Variants in SYNE1 observed in about 807,000 individuals in gnomAD.
The protein encoded by SYNE1 is spectrin repeat containing nuclear envelope protein 1.
A neutral mutation model predicts 1,111.0 loss-of-function variants in SYNE1; 616 were observed. The ratio of observed to expected loss-of-function variants is 0.55; its 90% CI spans 0.52 to 0.59. The LOEUF is 0.59. Ranked by LOEUF, SYNE1 falls within the 20% of genes least tolerant of loss-of-function variation. SYNE1 has a pLI of 0.00. For missense variants in SYNE1, 10,006 were observed against 10,417.0 expected (o/e 0.96, Z 1.72); for synonymous variants, 3,855 against 3,825.8 (o/e 1.01, Z -0.28).
At chr6:152,143,562 G>GT in intron 138 of SYNE1, 61 bp downstream of exon 138, 1 of 1,612,534 alleles carries the variant, frequency 6.2e-7, no homozygotes, top group East Asian at 2.2e-5. Flanking sequence ...CAGACGAACT[G>GT]TTCTTTGACA....
intron 123 of SYNE1, 113 bp downstream of exon 123, chr6:152,213,499 A>C: frequency 8.2e-7 from 1 of 1,216,140 alleles, no homozygotes. Context: ...TGATGCATGC[A>C]TTTAGACACT....
chr6:152,429,927 T>A (rs2098412907), intron 36 of SYNE1, among the ~76,000 whole-genome samples, 185 bp downstream of exon 36: 1 of 152,206 alleles, frequency 6.6e-6, no homozygotes, highest in Non-Finnish European at 1.5e-5. Context: ...TAATGAAAAT[T>A]TATTCACATC....
At chr6:152,602,742 A>G (rs1212677480) in intron 3 of SYNE1, among the ~76,000 whole-genome samples, 1 of 151,996 alleles carries the variant, frequency 6.6e-6, no homozygotes, top group African/African-American at 2.4e-5. Context: ...TCCTCTTTTT[A>G]TTCATACCTG....
intron 3 of SYNE1, chr6:152,545,866 TCA>T (rs1210742804): frequency 6.6e-6 from 1 of 152,180 alleles, no homozygotes; most frequent in Non-Finnish European, 1.5e-5. Context: ...TTAAAACAAA[TCA>T]CACATTTAAA....
At chr6:152,128,426 C>A (rs1470219446) in intron 145 of SYNE1, 1 of 152,090 alleles carries the variant, frequency 6.6e-6, no homozygotes, top group African/African-American at 2.4e-5. Flanking sequence ...AGGCCCAGGG[C>A]CTAAATTTAG....
chr6:152,210,470 A>C (rs1177126743), intron 124 of SYNE1, among the ~76,000 whole-genome samples: 1 of 152,218 alleles, frequency 6.6e-6, no homozygotes, highest in African/African-American at 2.4e-5. Flanking sequence ...TGGCTTACTT[A>C]GAGTAGAATA....
At chr6:152,561,678 T>C (rs1163386239) in intron 3 of SYNE1, among the ~76,000 whole-genome samples, 2 of 152,088 alleles carry the variant, frequency 1.3e-5, no homozygotes, top group South Asian at 2.1e-4. Context: ...TATATAGCTA[T>C]AGTGATCAAA....
At chr6:152,378,931 G>A (rs1305691828) in intron 56 of SYNE1, among the ~76,000 whole-genome samples, 1 of 152,156 alleles carries the variant, frequency 6.6e-6, no homozygotes, top group Non-Finnish European at 1.5e-5. Flanking sequence ...TGGGCTGGAG[G>A]AGTCTAAGAC....
In SYNE1 at chr6:152,483,173, G is replaced by A. The variant is rs150409035; in HGVS notation, c.1262C>T (p.Ala421Val). The A allele has an allele frequency of 6.4e-5, 103 of 1,613,992 alleles. No homozygotes were observed. The highest frequency in any genetic ancestry group is 7.1e-5 in the Non-Finnish European group (84 of 1,180,004). Residue 421 changes from alanine to valine, a missense_variant, in exon 14 of 146, where the codon GCG becomes GTG. Transcript: ENST00000367255. ...TATTTCCTCTCTCAGGGCCACCTCC[G>A]CTCTGTACAGCCAGGCACCTATGGT... ...LGTIGAWLYR[A>V]EVALREEITV...
chr6:152,423,903 C>G (rs1307215119), intron 39 of SYNE1, among the ~76,000 whole-genome samples: 1 of 152,200 alleles, frequency 6.6e-6, no homozygotes, highest in African/African-American at 2.4e-5. Context: ...ATGTCATCTC[C>G]CCAGAGAGGT....
chr6:152,593,818 C>G (rs1292850009), intron 3 of SYNE1, among the ~76,000 whole-genome samples: 1 of 151,980 alleles, frequency 6.6e-6, no homozygotes, highest in Non-Finnish European at 1.5e-5. Flanking sequence ...ATAGAAATGC[C>G]TACTTACAGG....
At chr6:152,623,853 G>C (rs2099680725) in intron 3 of SYNE1, among the ~76,000 whole-genome samples, 1 of 151,982 alleles carries the variant, frequency 6.6e-6, no homozygotes, top group South Asian at 2.1e-4. Context: ...AGCCAATGAT[G>C]CTAAATTAAA....
chr6:152,407,815 G>A (rs181220793), intron 44 of SYNE1, among the ~76,000 whole-genome samples: 5 of 146,580 alleles, frequency 3.4e-5, no homozygotes, highest in Admixed American at 6.9e-5. Context: ...AGGCTAGAGC[G>A]CAGTGGTGCG....
chr6:152,596,266 G>GTTTT lies in SYNE1; in HGVS notation c.67+31998_67+31999insAAAA, dbSNP rs1480694776. Among the ~76,000 whole-genome samples the GTTTT allele has an allele frequency of 1.7e-4, 20 of 118,732 alleles. 2 individuals are homozygous for GTTTT. Among genetic ancestry groups the GTTTT allele is most frequent in the African/African-American group, 7.2e-4 (18 of 25,064 alleles). 77.9% of individuals were successfully genotyped at this position (118,732 alleles called of 152,430 possible). On this transcript the variant is annotated intron_variant, in intron 3 of 145. Transcript: ENST00000367255. ...AAGTTATGATTACAGTTTTTTGTTT[G>GTTTT]TTTGTTTTTTTTTTTTTTTGAGATG...
chr6:152,279,274 A>G (rs2093866149), intron 97 of SYNE1, among the ~76,000 whole-genome samples: 1 of 151,014 alleles, frequency 6.6e-6, no homozygotes, highest in Non-Finnish European at 1.5e-5. Flanking sequence ...CTAAAAAAAA[A>G]AACAAAAAAA....
chr6:152,606,390 T>C lies in SYNE1; in HGVS notation c.67+21875A>G, dbSNP rs746512838. On this transcript the variant is annotated intron_variant, in intron 3 of 145. Coordinates refer to ENST00000367255, the MANE Select transcript of SYNE1 (RefSeq NM_182961.4). ...ACTGCAAAATTCTTCAAGGGCAAAATTGTGGTTACAACTTGATCGTAACTT... is the reference window on the plus strand; with the variant it reads ...ACTGCAAAATTCTTCAAGGGCAAAACTGTGGTTACAACTTGATCGTAACTT... Among the ~76,000 whole-genome samples the C allele has an allele frequency of 1.4e-4, 22 of 152,262 alleles. 3 individuals carry two copies. Among genetic ancestry groups the C allele is most frequent in the Admixed American group, 8.5e-4 (13 of 15,290 alleles).
At chr6:152,251,723 C>T (rs997323337) in intron 104 of SYNE1, among the ~76,000 whole-genome samples, 15 of 151,896 alleles carry the variant, frequency 9.9e-5, no homozygotes, top group Admixed American at 7.9e-4. Context: ...CCCGCCACTG[C>T]ACTCCAGCCT....
chr6:152,342,551 G>T (rs551123527), intron 74 of SYNE1, among the ~76,000 whole-genome samples: 1 of 152,244 alleles, frequency 6.6e-6, no homozygotes, highest in South Asian at 2.1e-4. Context: ...AGTATACTTC[G>T]GGGGACAAAT....
At chr6:152,590,611 G>T (rs558543264) in intron 3 of SYNE1, among the ~76,000 whole-genome samples, 1 of 152,188 alleles carries the variant, frequency 6.6e-6, no homozygotes, top group African/African-American at 2.4e-5. Flanking sequence ...ATCTTTGTGG[G>T]TGTGGTTCTG....
Sources: gnomAD v4.1 joint callset for allele counts (sites outside exome capture counted in the v4.1 genomes callset) on GRCh38, gnomAD v4.1.1 for gene constraint, MANE v1.5 for transcripts, NCBI Gene and HGNC (gene_info 2026-07-23, HGNC 2026-07-21) for gene names.